Variants in RIPOR2 observed in about 807,000 individuals in gnomAD.
RIPOR2 encodes rho family-interacting cell polarization regulator 2.
RIPOR2 carries 39 observed loss-of-function variants against 114.5 expected under a neutral mutation model. That is an observed-to-expected ratio of 0.34 (90% CI 0.26 to 0.44). The LOEUF is 0.44. Ranked by LOEUF, RIPOR2 falls within the 20% of genes least tolerant of loss-of-function variation. RIPOR2 has a pLI of 1.00. For missense variants in RIPOR2, 1,007 were observed against 1,255.1 expected, an observed-to-expected ratio of 0.80 and a Z score of 2.99; for synonymous variants, 445 against 484.4, an observed-to-expected ratio of 0.92 and a Z score of 1.07.
chr6:24,872,917 T>C lies in RIPOR2; in HGVS notation c.387A>G (p.Thr129=). The stretch of plus-strand genomic sequence containing the variant: ...TTCTTTTCATATCTTTTAACTGAGC[T>C]GTCAACTTGTCCAGCTCCGTCTGGT... ...EVHQTELDKL[T]AQLKDMKRNS... is the part of the protein sequence containing the mutation. Residue 129 remains threonine (T), a synonymous_variant, in exon 4 of 22, where the codon ACA becomes ACG. Coordinates refer to ENST00000643898, the MANE Select transcript of RIPOR2 (RefSeq NM_001286445.3). The C allele has an allele frequency of 1.2e-6, 2 of 1,612,594 alleles. No individual in the cohort carries two copies. Among genetic ancestry groups the C allele is most frequent in the Non-Finnish European group, 1.7e-6 (2 of 1,178,850 alleles).
At chr6:24,932,451 C>G (rs926689023) in intron 1 of RIPOR2, among the ~76,000 whole-genome samples, 2 of 152,128 alleles carry the variant, frequency 1.3e-5, no homozygotes, top group African/African-American at 4.8e-5. Flanking sequence ...GTCTCTCTTT[C>G]TCTTTCTCTC....
At chr6:24,935,450 G>T (rs1771733790) in intron 1 of RIPOR2, among the ~76,000 whole-genome samples, 1 of 151,824 alleles carries the variant, frequency 6.6e-6, no homozygotes, top group African/African-American at 2.4e-5. Context: ...AACCACTCCT[G>T]GTCCATTTAT....
chr6:24,828,542 G>C (rs964294536), intron 17 of RIPOR2, among the ~76,000 whole-genome samples: 1 of 152,096 alleles, frequency 6.6e-6, no homozygotes, highest in African/African-American at 2.4e-5. Flanking sequence ...TGAAGATAGA[G>C]TGAAGTAGTA....
intron 7 of RIPOR2, among the ~76,000 whole-genome samples, chr6:24,864,424 A>G (rs1022713461): frequency 1.3e-5 from 2 of 152,192 alleles, no homozygotes. Context: ...TTTAGACAAG[A>G]GGCAACACGG....
chr6:24,892,045 G>T (rs1423253305), intron 1 of RIPOR2, among the ~76,000 whole-genome samples: 1 of 152,092 alleles, frequency 6.6e-6, no homozygotes, highest in East Asian at 1.9e-4. Flanking sequence ...TTTTAGTAGA[G>T]ACAGGGTTTC....
intron 1 of RIPOR2, among the ~76,000 whole-genome samples, chr6:24,942,616 G>A (rs1199995256): frequency 6.6e-6 from 1 of 152,218 alleles, no homozygotes; most frequent in Non-Finnish European, 1.5e-5. Flanking sequence ...TGACTGGTGT[G>A]AGATGGTATC....
In RIPOR2 at chr6:24,806,549, T is replaced by A. The variant is rs9379689; in HGVS notation, c.3044-76A>T. On this transcript the variant is annotated intron_variant, in intron 21 of 21. Transcript: ENST00000643898. ...AATTACTCAAAGTAACATAGTGCCATTTGTTTAGGGATGGGTTGCTATAAT... is the reference window on the plus strand; with the variant it reads ...AATTACTCAAAGTAACATAGTGCCAATTGTTTAGGGATGGGTTGCTATAAT... 0.49 allele frequency: 536,140 copies of A among 1,084,600 alleles called. 137,255 individuals are homozygous for A. Among genetic ancestry groups the A allele is most frequent in the Non-Finnish European group, 0.53 (402,508 of 755,784 alleles). 67.2% of individuals were successfully genotyped at this position (1,084,600 alleles called of 1,614,324 possible).
rs535302058 is a variant in RIPOR2, at chr6:24,993,181, C to A, written c.76+48670G>T. On this transcript the variant is annotated intron_variant, in intron 1 of 13. Transcript: ENST00000510784. ...CTACTTTATTAATTTTTCCAAAAAA[C>A]CACCTCCTAGATTCATTGATCTTTT... 1.2e-3 allele frequency among the ~76,000 whole-genome samples: 189 copies of A among 152,288 alleles called. 1 individual carries two copies. The highest frequency in any genetic ancestry group is 4.0e-3 in the African/African-American group (168 of 41,558).
chr6:25,023,959 G>A, intron 1 of RIPOR2: 1 of 730,554 alleles, frequency 1.4e-6, no homozygotes, highest in Admixed American at 1.7e-5. Context: ...CATGTTCCAC[G>A]GGTTCTTGGG....
chr6:24,965,771 T>G (rs1345590867), intron 1 of RIPOR2, among the ~76,000 whole-genome samples: 1 of 152,236 alleles, frequency 6.6e-6, no homozygotes, highest in Non-Finnish European at 1.5e-5. Context: ...AATGAATTAT[T>G]ATAATGAAAA....
chr6:25,000,585 C>T (rs1775262289), intron 1 of RIPOR2, among the ~76,000 whole-genome samples: 1 of 152,026 alleles, frequency 6.6e-6, no homozygotes, highest in South Asian at 2.1e-4. Flanking sequence ...CAATGTTAGG[C>T]TACATTGTTC....
chr6:25,002,252 A>G (rs1190869554), intron 1 of RIPOR2, among the ~76,000 whole-genome samples: 5 of 152,226 alleles, frequency 3.3e-5, no homozygotes, highest in Admixed American at 6.5e-5. Context: ...GGACAACCAT[A>G]TAAGTATTGG....
intron 12 of RIPOR2, among the ~76,000 whole-genome samples, chr6:24,846,105 C>T (rs1194120002): frequency 6.6e-6 from 1 of 152,092 alleles, no homozygotes; most frequent in Non-Finnish European, 1.5e-5. Flanking sequence ...AAACCTCTAC[C>T]AACTCTCGCC....
chr6:24,955,698 CA>C (rs34104173), intron 1 of RIPOR2, among the ~76,000 whole-genome samples: 55,472 of 134,816 alleles, frequency 0.41, 10,869 homozygotes, highest in African/African-American at 0.46. Context: ...GCTGCTCCTT[CA>C]AAAAAAAAAA....
rs1002717226 is a variant in RIPOR2, at chr6:24,839,137, C to T, written c.1993G>A (p.Gly665Arg). 43 of 1,551,524 alleles carry T rather than the reference C, an allele frequency of 2.8e-5. No individual in the cohort carries two copies. Among genetic ancestry groups the T allele is most frequent in the Non-Finnish European group, 3.7e-5 (42 of 1,146,962 alleles). The change falls in exon 14 of 22, where the codon GGA becomes AGA. Residue 665 changes from glycine (G) to arginine (R), a missense_variant. Coordinates refer to ENST00000643898, the MANE Select transcript of RIPOR2 (RefSeq NM_001286445.3). Reference sequence around the variant, plus strand: ...TCTGAAAATACTGAGTCAGCACCTCCGCCAACATTACAAACCTCATCACCA... The same window carrying T: ...TCTGAAAATACTGAGTCAGCACCTCTGCCAACATTACAAACCTCATCACCA... ...EDGDEVCNVG[G>R]GADSVFSDTE...
chr6:24,935,570 C>A (rs1271830866), intron 1 of RIPOR2, among the ~76,000 whole-genome samples: 2 of 152,172 alleles, frequency 1.3e-5, no homozygotes, highest in African/African-American at 4.8e-5. Flanking sequence ...AAATTTAGTA[C>A]TATTTTCCAG....
intron 21 of RIPOR2, among the ~76,000 whole-genome samples, chr6:24,808,608 T>C (rs540869689): frequency 5.1e-4 from 77 of 152,280 alleles, no homozygotes; most frequent in Non-Finnish European, 8.4e-4. Context: ...TTCTTCTTCA[T>C]GTTGTTAAGT....
intron 19 of RIPOR2, among the ~76,000 whole-genome samples, chr6:24,823,278 AAGGGTTC>A (rs1473869412): frequency 1.2e-4 from 19 of 152,228 alleles, no homozygotes; most frequent in Non-Finnish European, 2.6e-4. Flanking sequence ...AAAATATGGA[AAGGGTTC>A]AGGCTTTGGG....
At chr6:24,908,734 C>T (rs1034816022) in intron 1 of RIPOR2, among the ~76,000 whole-genome samples, 1 of 152,154 alleles carries the variant, frequency 6.6e-6, no homozygotes, top group Non-Finnish European at 1.5e-5. Context: ...ATAAATATCT[C>T]CCTCCACCCG....
Sources: allele counts gnomAD v4.1 joint callset (sites outside exome capture counted in the v4.1 genomes callset), GRCh38; gene constraint gnomAD v4.1.1; transcripts MANE v1.5; gene names NCBI Gene and HGNC (gene_info 2026-07-23, HGNC 2026-07-21).